Variants in CNTNAP3B observed in about 807,000 individuals in gnomAD.
CNTNAP3B encodes contactin associated protein family member 3B.
A neutral mutation model predicts 108.9 loss-of-function variants in CNTNAP3B; 25 were observed. The observed-to-expected ratio is 0.23, with a 90% CI of 0.17 to 0.32. CNTNAP3B has a LOEUF of 0.32. CNTNAP3B is among the 10% of genes least tolerant of loss of function. CNTNAP3B has a pLI of 1.00. For synonymous variants in CNTNAP3B, 103 were observed against 473.4 expected (o/e 0.22, Z 10.16); for missense variants, 252 against 1,210.4 (o/e 0.21, Z 11.75).
intron 13 of CNTNAP3B, among the ~76,000 whole-genome samples, chr9:41,942,050 G>T (rs1317160918): frequency 6.6e-6 from 1 of 152,302 alleles, no homozygotes; most frequent in Non-Finnish European, 1.5e-5. Flanking sequence ...TAGGGGAATG[G>T]AAATACCCAG....
At chr9:41,961,862 G>A (rs1463144959) in intron 11 of CNTNAP3B, among the ~76,000 whole-genome samples, 1 of 152,294 alleles carries the variant, frequency 6.6e-6, no homozygotes, top group Non-Finnish European at 1.5e-5. Context: ...TACAAGGTAT[G>A]GAATTAATAT....
In CNTNAP3B at chr9:42,024,290, G is replaced by A. The variant is rs1455950756; in HGVS notation, c.391-10765C>T. Among the ~76,000 whole-genome samples, 2 of 95,358 alleles carry A rather than the reference G, an allele frequency of 2.1e-5. 1 individual carries two copies. The highest frequency in any genetic ancestry group is 4.4e-5 in the Non-Finnish European group (2 of 45,118). The allele number at this position is 95,358 out of a possible 152,430, so 62.6% of individuals were successfully genotyped here. Reference sequence around the variant, plus strand: ...ATTTTACTAAAATATTTGTTCCTGGGATCCAAAAAAATGGATCTACTTCTT... The same window carrying A: ...ATTTTACTAAAATATTTGTTCCTGGAATCCAAAAAAATGGATCTACTTCTT... On this transcript the variant is annotated intron_variant, in intron 3 of 23. Coordinates refer to ENST00000377561, the MANE Select transcript of CNTNAP3B (RefSeq NM_001201380.3).
intron 3 of CNTNAP3B, among the ~76,000 whole-genome samples, chr9:42,063,106 C>G (rs1827202460): frequency 9.0e-6 from 1 of 110,968 alleles, no homozygotes; most frequent in Non-Finnish European, 1.9e-5. Context: ...TTGACTTAAA[C>G]TTTTTGTACT....
chr9:42,034,608 GT>G (rs1804408245), intron 3 of CNTNAP3B, among the ~76,000 whole-genome samples: 1 of 29,942 alleles, frequency 3.3e-5, no homozygotes, highest in South Asian at 1.1e-3. Context: ...TCTCAAGCTG[GT>G]CCCTGTTTCC....
chr9:41,954,428 G>A (rs1429856799), intron 12 of CNTNAP3B, among the ~76,000 whole-genome samples: 12 of 152,214 alleles, frequency 7.9e-5, no homozygotes, highest in Non-Finnish European at 4.4e-5. Context: ...GAGGAAAGAA[G>A]GAAAAGAAAA....
chr9:42,122,708 C>G (rs999044291), intron 1 of CNTNAP3B, among the ~76,000 whole-genome samples: 1 of 139,936 alleles, frequency 7.1e-6, no homozygotes, highest in Non-Finnish European at 1.5e-5. Context: ...ATATATTCTT[C>G]AAAAAGTCAT....
intron 13 of CNTNAP3B, among the ~76,000 whole-genome samples, chr9:41,943,345 A>ATTTTTTTT (rs1165684239): frequency 2.3e-5 from 3 of 132,560 alleles, no homozygotes; most frequent in Non-Finnish European, 4.8e-5. Flanking sequence ...TTGGACAATA[A>ATTTTTTTT]TTTTTTTTTT....
Position 42,118,545 on chromosome 9 carries a change from C to G in CNTNAP3B, c.85+10465G>C, listed in dbSNP as rs1176845574. Among the ~76,000 whole-genome samples the G allele has an allele frequency of 3.8e-5, 5 of 129,960 alleles. 1 individual carries two copies. The highest frequency in any genetic ancestry group is 1.6e-4 in the African/African-American group (5 of 32,058). 85.3% of individuals were successfully genotyped at this position (129,960 alleles called of 152,430 possible). On this transcript the variant is annotated intron_variant, in intron 1 of 23. Coordinates refer to ENST00000377561, the MANE Select transcript of CNTNAP3B (RefSeq NM_001201380.3). ...CCTATCTCAAAATAATAAGAGCTAT[C>G]TATGACAAACCCACAGCCAATATCA... is the stretch of plus-strand genomic sequence containing the variant.
intron 2 of CNTNAP3B, among the ~76,000 whole-genome samples, chr9:42,087,067 T>A (rs1461613724): frequency 7.1e-6 from 1 of 140,766 alleles, no homozygotes; most frequent in East Asian, 2.2e-4. Flanking sequence ...TTTTATTTTT[T>A]AATGCTATTG....
At chr9:42,046,415 TG>T (rs1361870227) in intron 3 of CNTNAP3B, among the ~76,000 whole-genome samples, 1 of 116,584 alleles carries the variant, frequency 8.6e-6, no homozygotes, top group African/African-American at 3.6e-5. Context: ...TGAGGGAAGA[TG>T]TATAGATATC....
At chr9:42,048,741 CA>C (rs375683432) in intron 3 of CNTNAP3B, among the ~76,000 whole-genome samples, 7 of 16 alleles carry the variant, frequency 0.44, 1 homozygote, top group East Asian at 1. Flanking sequence ...ACCTGGTACA[CA>C]ATAAATACTC....
intron 15 of CNTNAP3B, among the ~76,000 whole-genome samples, chr9:41,927,273 A>G (rs1476075463): frequency 6.7e-6 from 1 of 148,634 alleles, no homozygotes; most frequent in Non-Finnish European, 1.5e-5. Flanking sequence ...ACTCCATTCC[A>G]TATAAATGAA....
At chr9:41,963,415 GT>G (rs952445533) in intron 11 of CNTNAP3B, among the ~76,000 whole-genome samples, 1 of 151,058 alleles carries the variant, frequency 6.6e-6, no homozygotes, top group African/African-American at 2.5e-5. Flanking sequence ...ATTCTGTGAT[GT>G]TCTAATTATA....
At chr9:41,969,662 G>A (rs1278340024) in intron 10 of CNTNAP3B, among the ~76,000 whole-genome samples, 1 of 151,922 alleles carries the variant, frequency 6.6e-6, no homozygotes, top group South Asian at 2.1e-4. Context: ...CTGTCGCCCA[G>A]GCTGGAGTGC....
chr9:42,078,838 C>T (rs1193543204), intron 2 of CNTNAP3B, among the ~76,000 whole-genome samples: 1 of 150,752 alleles, frequency 6.6e-6, no homozygotes, highest in Non-Finnish European at 1.5e-5. Context: ...TCCACAGTTT[C>T]TTCTCTCTGC....
At chr9:41,939,454 G>A (rs1291340925) in intron 13 of CNTNAP3B, among the ~76,000 whole-genome samples, 2 of 152,186 alleles carry the variant, frequency 1.3e-5, no homozygotes, top group African/African-American at 2.4e-5. Context: ...TAAGATCTCT[G>A]CATTCATTAC....
In CNTNAP3B at chr9:42,111,980, C is replaced by T. The variant is rs1172721873; in HGVS notation, c.86-7241G>A. Among the ~76,000 whole-genome samples the T allele has an allele frequency of 1.4e-5, 2 of 139,458 alleles. 1 individual carries two copies. The highest frequency in any genetic ancestry group is 4.4e-4 in the East Asian group (2 of 4,566). 91.5% of individuals were successfully genotyped at this position (139,458 alleles called of 152,430 possible). On this transcript the variant is annotated intron_variant, in intron 1 of 23. Coordinates refer to ENST00000377561, the MANE Select transcript of CNTNAP3B (RefSeq NM_001201380.3). ...ATATCAACGAGCTCCAATGGATCCCCACTGCACCTGTCCTGAAATTCAAAT... is the reference window on the plus strand; with the variant it reads ...ATATCAACGAGCTCCAATGGATCCCTACTGCACCTGTCCTGAAATTCAAAT...
chr9:42,081,386 A>C (rs1827612601), intron 2 of CNTNAP3B, among the ~76,000 whole-genome samples: 1 of 146,816 alleles, frequency 6.8e-6, no homozygotes, highest in Admixed American at 6.8e-5. Flanking sequence ...TCAAGTTCTG[A>C]GGAAATTATT....
At chr9:41,948,730 AT>A (rs1365980001) in intron 13 of CNTNAP3B, among the ~76,000 whole-genome samples, 4 of 143,858 alleles carry the variant, frequency 2.8e-5, no homozygotes, top group Non-Finnish European at 6.1e-5. Flanking sequence ...TTTAATACCA[AT>A]TGACACAGAA....
Sources: allele counts gnomAD v4.1 joint callset (sites outside exome capture counted in the v4.1 genomes callset), GRCh38; gene constraint gnomAD v4.1.1; transcripts MANE v1.5; gene names NCBI Gene and HGNC (gene_info 2026-07-23, HGNC 2026-07-21).